LANCL3: variants seen among roughly 807,000 people sequenced by gnomAD.
LANCL3 encodes the protein lanC-like protein 3.
In LANCL3, 19 loss-of-function variants were observed where a neutral mutation model predicts 26.5. The observed-to-expected ratio is 0.72, with a 90% CI of 0.50 to 1.05. The LOEUF (loss-of-function observed/expected upper bound fraction) is 1.05. LANCL3 is among the 50% of genes least tolerant of loss of function. The pLI, the probability that LANCL3 is intolerant of heterozygous loss-of-function variation, is 0.00. For synonymous variants in LANCL3, 160 were observed against 166.6 expected, an observed-to-expected ratio of 0.96 and a Z score of 0.30; for missense variants, 318 against 362.7, an observed-to-expected ratio of 0.88 and a Z score of 1.00.
chrX:37,596,025 A>G (rs1399713340), intron 1 of LANCL3, among the ~76,000 whole-genome samples: 1 of 112,187 alleles, frequency 8.9e-6, no homozygotes, highest in Non-Finnish European at 1.9e-5. Flanking sequence ...GCTTATTTCC[A>G]GTAAGTTTAC....
At chrX:37,662,920 T>C (rs1260533875) in intron 3 of LANCL3, among the ~76,000 whole-genome samples, 1 of 110,677 alleles carries the variant, frequency 9.0e-6, no homozygotes, top group Non-Finnish European at 1.9e-5. Flanking sequence ...GCGAGGTCAC[T>C]TCCATGTAAC....
chrX:37,662,124 G>C (rs782587643), intron 3 of LANCL3, among the ~76,000 whole-genome samples: 1 of 111,809 alleles, frequency 8.9e-6, no homozygotes, highest in East Asian at 2.8e-4. Context: ...CATTCCTGAG[G>C]GCTGTTCCTC....
intron 1 of LANCL3, among the ~76,000 whole-genome samples, chrX:37,645,618 TG>T (rs1313487713): frequency 1.6e-4 from 18 of 112,603 alleles, no homozygotes; most frequent in African/African-American, 4.5e-4. Flanking sequence ...GCAACACTTT[TG>T]CTTGATGCTT....
Position 37,631,829 on chromosome X carries a change from A to G in LANCL3, c.574-23859A>G, listed in dbSNP as rs1257183857. ...GTGGTCTGAGAGACAGTTTGTTATA[A>G]TTTCTGTTCTTTTACATTTGCTGAG... On this transcript the variant is annotated intron_variant, in intron 1 of 4. Transcript: ENST00000378619. Among the ~76,000 whole-genome samples the G allele has an allele frequency of 6.3e-5, 7 of 110,294 alleles. No individual in the cohort carries two copies. The Admixed American group carries it at 6.7e-4, about 11-fold the overall frequency.
intron 1 of LANCL3, among the ~76,000 whole-genome samples, chrX:37,594,920 T>C (rs1924384405): frequency 8.9e-6 from 1 of 111,879 alleles, no homozygotes; most frequent in Non-Finnish European, 1.9e-5. Flanking sequence ...GCATGTATGG[T>C]TAAGTACGTG....
intron 1 of LANCL3, among the ~76,000 whole-genome samples, chrX:37,644,953 T>G (rs1451481779): frequency 1.8e-5 from 2 of 112,200 alleles, no homozygotes; most frequent in Non-Finnish European, 3.8e-5. Flanking sequence ...AGTCAAACGT[T>G]GGGAACTGCT....
rs782790751 is a variant in LANCL3, at chrX:37,631,231, A to T, written c.574-24457A>T. 3.6e-5 allele frequency among the ~76,000 whole-genome samples: 4 copies of T among 111,680 alleles called. No individual in the cohort carries two copies. The South Asian group carries it at 1.5e-3, about 42-fold the overall frequency. ...CCATTTCTTCTAGATTTTCTAGTTT[A>T]TTTGTGTAGAGGTGTTTATAGTATT... On this transcript the variant is annotated intron_variant, in intron 1 of 4. Coordinates refer to ENST00000378619, the MANE Select transcript of LANCL3 (RefSeq NM_001170331.2).
intron 1 of LANCL3, among the ~76,000 whole-genome samples, chrX:37,634,290 C>T (rs950525983): frequency 9.8e-5 from 11 of 112,767 alleles, no homozygotes; most frequent in South Asian, 7.3e-4. Context: ...GTTGGAAAAG[C>T]GCAGTATTAG....
intron 1 of LANCL3, among the ~76,000 whole-genome samples, chrX:37,639,215 G>A (rs1925795885): frequency 1.0e-5 from 1 of 98,304 alleles, no homozygotes; most frequent in African/African-American, 3.7e-5. Flanking sequence ...ATACATGTAT[G>A]TATATATATG....
rs781794090 is a variant in LANCL3, at chrX:37,649,435, C to A, written c.574-6253C>A. Among the ~76,000 whole-genome samples, 8 of 110,445 alleles carry A rather than the reference C, an allele frequency of 7.2e-5. No individual in the cohort carries two copies. In the South Asian group the frequency reaches 2.0e-3, roughly 28 times the overall value. The stretch of plus-strand genomic sequence containing the variant: ...CACATGGACACAGGGAGAGGAACAA[C>A]ACACACCAGGTCCTGTTGGGGGATG... On this transcript the variant is annotated intron_variant, in intron 1 of 4. Transcript: ENST00000378619.
In LANCL3 at chrX:37,659,485, A is replaced by G. The variant is rs782346438; in HGVS notation, c.721A>G (p.Ile241Val). ...YLGAAHGLSS[I>V]LQMLLSYHEH... is the part of the protein sequence containing the mutation. Reference sequence around the variant, plus strand: ...AGGGGCAGCTCACGGCTTGTCGTCTATTCTTCAGATGCTTCTTTCTTACCA... The same window carrying G: ...AGGGGCAGCTCACGGCTTGTCGTCTGTTCTTCAGATGCTTCTTTCTTACCA... The change falls in exon 3 of 5, where the codon ATT becomes GTT. Residue 241 changes from isoleucine (I) to valine (V), a missense_variant. Ile to Val is a conservative substitution (Grantham distance 29). Coordinates refer to ENST00000378619, the MANE Select transcript of LANCL3 (RefSeq NM_001170331.2). The G allele has an allele frequency of 2.3e-5, 28 of 1,208,459 alleles. No homozygotes were observed. The highest frequency in any genetic ancestry group is 2.9e-5 in the Non-Finnish European group (26 of 894,502).
At chrX:37,660,975 C>A (rs1223344819) in intron 3 of LANCL3, among the ~76,000 whole-genome samples, 1 of 101,959 alleles carries the variant, frequency 9.8e-6, no homozygotes, top group Non-Finnish European at 1.9e-5. Flanking sequence ...TGATTTGAGC[C>A]CATTTCTTTT....
intron 4 of LANCL3, among the ~76,000 whole-genome samples, chrX:37,670,517 CAGAT>C (rs782428865): frequency 5.4e-4 from 60 of 110,851 alleles, no homozygotes; most frequent in African/African-American, 1.7e-3. Flanking sequence ...TAAATGGTCT[CAGAT>C]AGGTATTTAT....
intron 1 of LANCL3, among the ~76,000 whole-genome samples, chrX:37,587,488 A>G (rs1924133210): frequency 8.9e-6 from 1 of 112,772 alleles, no homozygotes; most frequent in Non-Finnish European, 1.9e-5. Flanking sequence ...CTCAAGCCTT[A>G]GCAATGGCGG....
chrX:37,619,227 T>C (rs1406668964), intron 1 of LANCL3, among the ~76,000 whole-genome samples: 1 of 112,030 alleles, frequency 8.9e-6, no homozygotes. Context: ...ATAAAAATTA[T>C]CACAATTATT....
At chrX:37,578,040 T>C (rs1458110002) in intron 1 of LANCL3, among the ~76,000 whole-genome samples, 1 of 112,285 alleles carries the variant, frequency 8.9e-6, no homozygotes, top group Non-Finnish European at 1.9e-5. Context: ...CCAAGCTCTT[T>C]CCAGGCGTTT....
At chrX:37,622,906 A>G (rs988625663) in intron 1 of LANCL3, among the ~76,000 whole-genome samples, 1 of 112,447 alleles carries the variant, frequency 8.9e-6, no homozygotes, top group Non-Finnish European at 1.9e-5. Context: ...ATCACATCCA[A>G]CTGCACTATT....
At chrX:37,602,574 A>C (rs556867742) in intron 1 of LANCL3, among the ~76,000 whole-genome samples, 1 of 111,878 alleles carries the variant, frequency 8.9e-6, no homozygotes, top group African/African-American at 3.2e-5. Context: ...TAATGATGTT[A>C]GTATATATTT....
intron 1 of LANCL3, among the ~76,000 whole-genome samples, chrX:37,592,459 A>G (rs1370024871): frequency 4.5e-5 from 5 of 112,297 alleles, no homozygotes; most frequent in East Asian, 2.8e-4. Flanking sequence ...TAGGAAAACA[A>G]TCTTGGAGGA....
Sources: allele counts gnomAD v4.1 joint callset (sites outside exome capture counted in the v4.1 genomes callset), GRCh38; gene constraint gnomAD v4.1.1; transcripts MANE v1.5; gene names NCBI Gene and HGNC (gene_info 2026-07-23, HGNC 2026-07-21).